Variants in COL22A1 observed in about 807,000 individuals in gnomAD.
COL22A1 encodes the protein collagen type XXII alpha 1 chain.
A neutral mutation model predicts 248.9 loss-of-function variants in COL22A1; 221 were observed. The ratio of observed to expected loss-of-function variants is 0.89; its 90% CI spans 0.80 to 0.99. The LOEUF is 0.99. Ranked by LOEUF, COL22A1 falls within the 50% of genes least tolerant of loss-of-function variation. The probability of loss-of-function intolerance (pLI) is 0.00; values close to 1 mark genes in which losing one functional copy is unlikely to be tolerated. For missense variants in COL22A1, 2,240 were observed against 2,179.0 expected (o/e 1.03, Z -0.56); for synonymous variants, 891 against 793.4 (o/e 1.12, Z -2.07).
intron 47 of COL22A1, among the ~76,000 whole-genome samples, chr8:138,646,135 G>A (rs1014110036): frequency 2.0e-5 from 3 of 152,124 alleles, no homozygotes; most frequent in African/African-American, 7.2e-5. Context: ...CTGGCTTTGG[G>A]AAACCACAGA....
chr8:138,673,779 C>T (rs1195968231), intron 41 of COL22A1, among the ~76,000 whole-genome samples: 5 of 152,074 alleles, frequency 3.3e-5, no homozygotes, highest in South Asian at 2.1e-4. Context: ...CCTCCTGCCA[C>T]GTTCCCTGGG....
At chr8:138,711,082 A>G (rs1289331378) in intron 30 of COL22A1, among the ~76,000 whole-genome samples, 1 of 152,150 alleles carries the variant, frequency 6.6e-6, no homozygotes, top group African/African-American at 2.4e-5. Flanking sequence ...AGGTAGACCC[A>G]TGGGGGCTCT....
At chr8:138,694,803 G>A (rs758441386) in intron 33 of COL22A1, 23 bp downstream of exon 33, 4 of 1,613,030 alleles carry the variant, frequency 2.5e-6, no homozygotes, top group Non-Finnish European at 2.5e-6. Flanking sequence ...GCCCTGCGGG[G>A]GAAGGGGACA....
At chr8:138,597,949 C>T (rs1242948157) in intron 61 of COL22A1, among the ~76,000 whole-genome samples, 1 of 152,146 alleles carries the variant, frequency 6.6e-6, no homozygotes, top group Non-Finnish European at 1.5e-5. Context: ...CCACCAGGAA[C>T]TGACGCGACT....
At chr8:138,784,572 C>T (rs374206771) in intron 12 of COL22A1, among the ~76,000 whole-genome samples, 3 of 152,160 alleles carry the variant, frequency 2.0e-5, no homozygotes, top group South Asian at 4.2e-4. Flanking sequence ...GATTTCTACC[C>T]GATTAAACAC....
intron 30 of COL22A1, among the ~76,000 whole-genome samples, chr8:138,712,506 G>A (rs1185210307): frequency 6.6e-6 from 1 of 152,238 alleles, no homozygotes; most frequent in African/African-American, 2.4e-5. Flanking sequence ...TATCAGCAGG[G>A]TGTATGTGTT....
At chr8:138,607,488 C>A (rs1818510820) in intron 57 of COL22A1, among the ~76,000 whole-genome samples, 1 of 152,046 alleles carries the variant, frequency 6.6e-6, no homozygotes, top group Admixed American at 6.6e-5. Context: ...CTACTGCCTG[C>A]CCATTGAGCT....
At chr8:138,642,457 T>C (rs902852139) in intron 47 of COL22A1, among the ~76,000 whole-genome samples, 2 of 152,212 alleles carry the variant, frequency 1.3e-5, no homozygotes, top group Non-Finnish European at 2.9e-5. Flanking sequence ...GGACTTCTCA[T>C]GGTTGGAGTC....
chr8:138,613,760 A>G, intron 56 of COL22A1, 107 bp downstream of exon 56: 1 of 1,089,118 alleles, frequency 9.2e-7, no homozygotes, highest in Non-Finnish European at 1.4e-6. Context: ...ACATATTACA[A>G]TTTTTTAACA....
intron 3 of COL22A1, among the ~76,000 whole-genome samples, chr8:138,853,705 G>C (rs958772241): frequency 1.3e-5 from 2 of 152,034 alleles, no homozygotes; most frequent in Non-Finnish European, 1.5e-5. Context: ...GTGTAAGAAA[G>C]AAAAGAAAAA....
intron 52 of COL22A1, among the ~76,000 whole-genome samples, chr8:138,622,278 C>A (rs1311014793): frequency 6.6e-6 from 1 of 152,164 alleles, no homozygotes; most frequent in African/African-American, 2.4e-5. Context: ...GATTACCCAG[C>A]AACTCTGGCA....
At position 138,693,778 on chromosome 8, in the gene COL22A1, G is replaced by T. The variant is rs1385568429; in HGVS notation, c.2701-79C>A. The T allele has an allele frequency of 4.9e-6, 7 of 1,434,544 alleles. No homozygotes were observed. In the African/African-American group the frequency reaches 7.1e-5, roughly 14 times the overall value. 88.9% of individuals were successfully genotyped at this position (1,434,544 alleles called of 1,614,324 possible). A position where few individuals can be genotyped will look rare whatever the true frequency, so the allele number is the denominator to read the frequency against. On this transcript the variant is annotated intron_variant, in intron 34 of 64. Transcript: ENST00000303045. ...TCCCCTCACAGCAGGGAGGTCTCGG[G>T]AATACCGTGCTCATCAGAAGCATTA...
intron 62 of COL22A1, 100 bp downstream of exon 62, chr8:138,596,804 T>C (rs544313667): frequency 1.3e-4 from 147 of 1,090,718 alleles, no homozygotes; most frequent in Non-Finnish European, 1.9e-4. Flanking sequence ...GCCGGTCAAG[T>C]GCTTTTCTTA....
chr8:138,618,230 A>C (rs1159718431), intron 53 of COL22A1, among the ~76,000 whole-genome samples: 2 of 152,250 alleles, frequency 1.3e-5, no homozygotes, highest in Non-Finnish European at 1.5e-5. Context: ...TCAAGGTCAC[A>C]AAGTCAATAA....
At chr8:138,626,529 G>A (rs1220345622) in intron 50 of COL22A1, among the ~76,000 whole-genome samples, 1 of 152,198 alleles carries the variant, frequency 6.6e-6, no homozygotes, top group Non-Finnish European at 1.5e-5. Flanking sequence ...ATGCCAGTGG[G>A]AAGAAGCTAT....
At chr8:138,805,502 TGTG>T (rs1817474996) in intron 10 of COL22A1, among the ~76,000 whole-genome samples, 1 of 126,638 alleles carries the variant, frequency 7.9e-6, no homozygotes, top group African/African-American at 3.6e-5. Flanking sequence ...GGTGTGTGTG[TGTG>T]ATGGTGTGTG....
At chr8:138,645,954 G>T (rs1038943077) in intron 47 of COL22A1, among the ~76,000 whole-genome samples, 4 of 152,146 alleles carry the variant, frequency 2.6e-5, no homozygotes, top group Non-Finnish European at 4.4e-5. Context: ...GAGGGTGTGG[G>T]TCTATCTGTC....
chr8:138,865,457 AGTGT>A (rs1224255169), intron 3 of COL22A1, among the ~76,000 whole-genome samples: 2 of 138,304 alleles, frequency 1.4e-5, no homozygotes, highest in Non-Finnish European at 3.1e-5. Flanking sequence ...CCTGTGTGTG[AGTGT>A]ATGTGTGTAT....
intron 1 of COL22A1, among the ~76,000 whole-genome samples, chr8:138,903,733 C>T (rs1339849401): frequency 1.3e-5 from 2 of 152,296 alleles, no homozygotes; most frequent in African/African-American, 2.4e-5. Context: ...TGGAAGAATA[C>T]CCTGCTTTTT....
Sources: allele counts gnomAD v4.1 joint callset (sites outside exome capture counted in the v4.1 genomes callset), GRCh38; gene constraint gnomAD v4.1.1; transcripts MANE v1.5; gene names NCBI Gene and HGNC (gene_info 2026-07-23, HGNC 2026-07-21).